The following ERI3 variants were observed in gnomAD, a reference collection of about 807,000 sequenced individuals.
ERI3 encodes the protein ERI1 exoribonuclease family member 3, also known as ERI1 exoribonuclease 3.
In ERI3, 18 loss-of-function variants were observed where a neutral mutation model predicts 44.4. The ratio of observed to expected loss-of-function variants is 0.41; its 90% CI spans 0.28 to 0.60. ERI3 has a LOEUF of 0.60. Among genes scored for constraint, ERI3 ranks in the 20% least tolerant of loss-of-function variants. The probability of loss-of-function intolerance (pLI) is 0.36; values close to 1 mark genes in which losing one functional copy is unlikely to be tolerated. For missense variants in ERI3, 294 were observed against 435.5 expected, an observed-to-expected ratio of 0.68 and a Z score of 2.89; for synonymous variants, 183 against 164.8, an observed-to-expected ratio of 1.11 and a Z score of -0.84.
intron 8 of ERI3, among the ~76,000 whole-genome samples, chr1:44,231,827 G>A (rs920766097): frequency 6.6e-6 from 1 of 152,184 alleles, no homozygotes; most frequent in Non-Finnish European, 1.5e-5. Context: ...AGACATGAGG[G>A]TAAGTTTGCT....
At chr1:44,284,096 G>A (rs1353682092) in intron 7 of ERI3, 1 of 470,796 alleles carries the variant, frequency 2.1e-6, no homozygotes, top group South Asian at 1.5e-5. Context: ...TTATGGGGGT[G>A]AGTCTCCCTA....
At chr1:44,347,158 C>T (rs566283737) in intron 2 of ERI3, among the ~76,000 whole-genome samples, 1 of 152,320 alleles carries the variant, frequency 6.6e-6, no homozygotes, top group Admixed American at 6.5e-5. Flanking sequence ...AGAGGACCAA[C>T]AATGCATATC....
At chr1:44,286,932 C>T (rs1244939785) in intron 6 of ERI3, among the ~76,000 whole-genome samples, 1 of 152,190 alleles carries the variant, frequency 6.6e-6, no homozygotes, top group African/African-American at 2.4e-5. Flanking sequence ...ACTCACCCAA[C>T]CTATCCCCAT....
chr1:44,274,520 T>C (rs903351599), intron 7 of ERI3, among the ~76,000 whole-genome samples: 50 of 152,336 alleles, frequency 3.3e-4, no homozygotes, highest in Admixed American at 1.3e-3. Context: ...GGCTAGGCAC[T>C]ACACCATGGG....
intron 1 of ERI3, chr1:44,353,801 C>A: frequency 1.0e-6 from 1 of 985,346 alleles, no homozygotes; most frequent in Non-Finnish European, 1.2e-6. Context: ...GCTTAAGTTG[C>A]CAAAGTGCTC....
intron 7 of ERI3, among the ~76,000 whole-genome samples, chr1:44,279,732 C>A (rs1047195804): frequency 6.6e-6 from 1 of 152,212 alleles, no homozygotes; most frequent in African/African-American, 2.4e-5. Flanking sequence ...ATCCTGGGGT[C>A]ATCATGGTCT....
chr1:44,280,992 C>T (rs1184797923), intron 7 of ERI3, among the ~76,000 whole-genome samples: 2 of 152,208 alleles, frequency 1.3e-5, no homozygotes, highest in Non-Finnish European at 2.9e-5. Context: ...AATTCTTTCT[C>T]CTCTTAGAAC....
At chr1:44,348,512 G>A (rs1036771717) in intron 2 of ERI3, among the ~76,000 whole-genome samples, 8 of 152,182 alleles carry the variant, frequency 5.3e-5, no homozygotes, top group Admixed American at 3.9e-4. Flanking sequence ...GTAGCTGTGG[G>A]GCACAAGGCA....
In ERI3 at chr1:44,227,788, C is replaced by A. The variant is rs559507732; in HGVS notation, c.932-6148G>T. 7.2e-5 allele frequency among the ~76,000 whole-genome samples: 11 copies of A among 152,224 alleles called. No homozygotes were observed. The East Asian group carries it at 2.1e-3, about 29-fold the overall frequency. On this transcript the variant is annotated intron_variant, in intron 8 of 8. Coordinates refer to ENST00000372257, the MANE Select transcript of ERI3 (RefSeq NM_024066.3). ...TCCTGCTTCTGGGTTTGAATCCAAA[C>A]TCCACCACTTAATAACCATGTGAAC... is the stretch of plus-strand genomic sequence containing the variant.
At chr1:44,253,967 G>A (rs1644732895) in intron 7 of ERI3, among the ~76,000 whole-genome samples, 1 of 152,148 alleles carries the variant, frequency 6.6e-6, no homozygotes, top group Admixed American at 6.5e-5. Context: ...TACAATATTT[G>A]TTGTTATTTT....
chr1:44,297,680 G>C (rs1272753708), intron 6 of ERI3, among the ~76,000 whole-genome samples: 3 of 152,306 alleles, frequency 2.0e-5, no homozygotes, highest in Non-Finnish European at 4.4e-5. Flanking sequence ...GATCTGCATA[G>C]CATCTGCACT....
At chr1:44,249,250 G>T (rs1644624663) in intron 7 of ERI3, among the ~76,000 whole-genome samples, 1 of 152,180 alleles carries the variant, frequency 6.6e-6, no homozygotes, top group African/African-American at 2.4e-5. Context: ...TGAAGCTTGG[G>T]TGAGTTTCCA....
At chr1:44,354,080 A>G (rs1280546890) in intron 1 of ERI3, 59 of 985,374 alleles carry the variant, frequency 6.0e-5, no homozygotes, top group Non-Finnish European at 6.6e-5. Flanking sequence ...GTCAGAATAA[A>G]GCAGAATTTG....
At chr1:44,322,735 T>C (rs1572277047) in intron 3 of ERI3, 1 of 1,549,148 alleles carries the variant, frequency 6.5e-7, no homozygotes, top group African/African-American at 1.4e-5. Flanking sequence ...CATCCCATAT[T>C]GCCCAGCCAG....
At chr1:44,287,517 C>T (rs961780223) in intron 6 of ERI3, among the ~76,000 whole-genome samples, 2 of 152,198 alleles carry the variant, frequency 1.3e-5, no homozygotes, top group African/African-American at 4.8e-5. Context: ...CTCAAACATC[C>T]AAGTGGCACA....
At chr1:44,323,528 A>G (rs992186460) in intron 3 of ERI3, among the ~76,000 whole-genome samples, 4 of 152,226 alleles carry the variant, frequency 2.6e-5, no homozygotes, top group Non-Finnish European at 5.9e-5. Context: ...GGCTGGCTGT[A>G]GACACAGAGA....
At chr1:44,288,881 T>C (rs984368988) in intron 6 of ERI3, among the ~76,000 whole-genome samples, 1 of 150,610 alleles carries the variant, frequency 6.6e-6, no homozygotes, top group African/African-American at 2.4e-5. Flanking sequence ...ACAAAGGGTC[T>C]GAATGCTGTA....
chr1:44,340,659 C>T (rs575418195), intron 2 of ERI3, among the ~76,000 whole-genome samples: 5 of 152,272 alleles, frequency 3.3e-5, no homozygotes, highest in South Asian at 4.1e-4. Context: ...GTAGGATATA[C>T]GCTAGTGTAG....
intron 7 of ERI3, among the ~76,000 whole-genome samples, chr1:44,266,185 G>A (rs1239621835): frequency 6.6e-6 from 1 of 152,226 alleles, no homozygotes; most frequent in Middle Eastern, 3.2e-3. Context: ...ATGTAGGTGT[G>A]TGAAGAGGGA....
Sources: gnomAD v4.1 joint callset for allele counts (sites outside exome capture counted in the v4.1 genomes callset) on GRCh38, gnomAD v4.1.1 for gene constraint, MANE v1.5 for transcripts, NCBI Gene and HGNC (gene_info 2026-07-23, HGNC 2026-07-21) for gene names.